The following LINGO2 variants were observed in gnomAD, a reference collection of about 807,000 sequenced individuals.
LINGO2 encodes the protein leucine-rich repeat and immunoglobulin-like domain-containing nogo receptor-interacting protein 2.
In LINGO2, 14 loss-of-function variants were observed where a neutral mutation model predicts 30.6. The observed-to-expected ratio is 0.46, with a 90% CI of 0.30 to 0.72. LINGO2 has a LOEUF of 0.72. Among genes scored for constraint, LINGO2 ranks in the 30% least tolerant of loss-of-function variants. The probability of loss-of-function intolerance (pLI) is 0.07; values close to 1 mark genes in which losing one functional copy is unlikely to be tolerated. For missense variants in LINGO2, 729 were observed against 751.7 expected, an observed-to-expected ratio of 0.97 and a Z score of 0.35; for synonymous variants, 317 against 288.5, an observed-to-expected ratio of 1.10 and a Z score of -1.00.
At chr9:29,093,756 G>T in the LINGO2 span, among the ~76,000 whole-genome samples, 1 of 136,716 alleles carries the variant, frequency 7.3e-6, no homozygotes, top group Admixed American at 7.6e-5. Flanking sequence ...GTAGAATAAA[G>T]GTCTCCTGAA....
At chr9:29,212,242 C>T in the LINGO2 span, among the ~76,000 whole-genome samples, 1 of 151,962 alleles carries the variant, frequency 6.6e-6, no homozygotes, top group African/African-American at 2.4e-5. Flanking sequence ...CCGCTCACGT[C>T]CCCCGCCCCT....
chr9:28,871,265 A>G, the LINGO2 span, among the ~76,000 whole-genome samples: 101 of 151,788 alleles, frequency 6.7e-4, no homozygotes, highest in African/African-American at 2.3e-3. Context: ...CTATATGAAA[A>G]TGTGGCCATA....
At chr9:28,678,926 T>C in the LINGO2 span, among the ~76,000 whole-genome samples, 1 of 152,164 alleles carries the variant, frequency 6.6e-6, no homozygotes, top group African/African-American at 2.4e-5. Context: ...TATAAATACA[T>C]AGAATAAATA....
chr9:28,049,311 A>C (rs939102369), intron 4 of LINGO2, among the ~76,000 whole-genome samples: 1 of 150,854 alleles, frequency 6.6e-6, no homozygotes, highest in Non-Finnish European at 1.5e-5. Flanking sequence ...TAGACATGTC[A>C]ATGATCATTA....
At chr9:29,018,306 G>T in the LINGO2 span, among the ~76,000 whole-genome samples, 1 of 151,570 alleles carries the variant, frequency 6.6e-6, no homozygotes, top group African/African-American at 2.4e-5. Context: ...TGACTAGCTG[G>T]GGGAGGGAGA....
At chr9:28,300,095 G>C (rs1190775765) in intron 3 of LINGO2, among the ~76,000 whole-genome samples, 1 of 141,188 alleles carries the variant, frequency 7.1e-6, no homozygotes, top group Non-Finnish European at 1.5e-5. Flanking sequence ...GAAAGCAACA[G>C]ATGACCTTTC....
At chr9:28,727,480 G>T in the LINGO2 span, among the ~76,000 whole-genome samples, 38 of 152,140 alleles carry the variant, frequency 2.5e-4, no homozygotes, top group South Asian at 7.7e-3. Flanking sequence ...AGTAAAGACG[G>T]GGTTTCAACG....
At chr9:29,012,336 C>T in the LINGO2 span, among the ~76,000 whole-genome samples, 17 of 151,304 alleles carry the variant, frequency 1.1e-4, no homozygotes, top group African/African-American at 3.4e-4. Context: ...CCAGTCTGGG[C>T]GACCGAACAA....
At chr9:28,447,982 A>G (rs975103562) in intron 2 of LINGO2, among the ~76,000 whole-genome samples, 3 of 152,086 alleles carry the variant, frequency 2.0e-5, no homozygotes, top group African/African-American at 7.2e-5. Flanking sequence ...GATGCCAGAG[A>G]TAGAAGAGAG....
intron 3 of LINGO2, among the ~76,000 whole-genome samples, chr9:28,344,221 C>A (rs74522478): frequency 0.01 from 1,524 of 152,142 alleles, 32 homozygotes; most frequent in African/African-American, 0.034. Flanking sequence ...CAACCTGGAT[C>A]TTTTTCTATA....
Position 28,362,240 on chromosome 9 carries a change from ATG to A in LINGO2, c.-246+10594_-246+10595del, listed in dbSNP as rs540315162. The stretch of plus-strand genomic sequence containing the variant: ...TGTGTGTGTGTGTGTGCGCATGCGC[ATG>A]TGTGTGCACGTGTGTGTGTGCATGT... On this transcript the variant is annotated intron_variant, in intron 3 of 5. Coordinates refer to ENST00000379992, the Ensembl canonical transcript of LINGO2. 4.6e-5 allele frequency among the ~76,000 whole-genome samples: 7 copies of A among 151,864 alleles called. No homozygotes were observed. The South Asian group carries it at 1.2e-3, about 27-fold the overall frequency.
At chr9:28,045,625 C>T (rs1256941882) in intron 4 of LINGO2, among the ~76,000 whole-genome samples, 1 of 152,162 alleles carries the variant, frequency 6.6e-6, no homozygotes, top group Admixed American at 6.5e-5. Flanking sequence ...TTTCTTCTTA[C>T]TCTTGTCATT....
intron 1 of LINGO2, among the ~76,000 whole-genome samples, chr9:28,656,941 G>A (rs535769906): frequency 1.6e-4 from 25 of 152,094 alleles, no homozygotes; most frequent in Non-Finnish European, 1.2e-4. Flanking sequence ...ATAACTCTGC[G>A]GATAGATCAA....
intron 5 of LINGO2, among the ~76,000 whole-genome samples, chr9:27,957,791 A>T (rs142672390): frequency 2.4e-4 from 36 of 152,360 alleles, no homozygotes; most frequent in African/African-American, 8.4e-4. Flanking sequence ...TAATAAATCT[A>T]TGGAGAATCG....
At chr9:29,148,330 G>A in the LINGO2 span, among the ~76,000 whole-genome samples, 37,783 of 151,732 alleles carry the variant, frequency 0.25, 4,864 homozygotes, top group East Asian at 0.4. Context: ...TCTTCTGATC[G>A]CCAAAGCATT....
chr9:28,833,574 G>C, the LINGO2 span, among the ~76,000 whole-genome samples: 1 of 152,104 alleles, frequency 6.6e-6, no homozygotes, highest in Non-Finnish European at 1.5e-5. Context: ...CATTATCAAA[G>C]AAAAGGATTT....
chr9:28,188,822 C>T (rs990608458), intron 4 of LINGO2, among the ~76,000 whole-genome samples: 5 of 152,128 alleles, frequency 3.3e-5, no homozygotes, highest in African/African-American at 1.2e-4. Flanking sequence ...GCTGTGACAA[C>T]ATCATCATTT....
chr9:27,963,761 A>G (rs113498390), intron 5 of LINGO2, among the ~76,000 whole-genome samples: 7,035 of 151,638 alleles, frequency 0.046, 295 homozygotes, highest in Admixed American at 0.099. Context: ...AAAGCAAGCA[A>G]AGGTTTTAAT....
At chr9:28,336,647 A>G (rs1054107341) in intron 3 of LINGO2, among the ~76,000 whole-genome samples, 1 of 152,098 alleles carries the variant, frequency 6.6e-6, no homozygotes, top group African/African-American at 2.4e-5. Context: ...TGGTTCTAGT[A>G]CTGTTTGTTA....
Sources: allele counts gnomAD v4.1 joint callset (sites outside exome capture counted in the v4.1 genomes callset), GRCh38; gene constraint gnomAD v4.1.1; transcripts MANE v1.5; gene names NCBI Gene and HGNC (gene_info 2026-07-23, HGNC 2026-07-21).